Variants in BCR observed in about 807,000 individuals in gnomAD.
The protein encoded by BCR is breakpoint cluster region protein.
Under a neutral mutation model 138.6 loss-of-function variants are expected in BCR, and 58 were observed. That is an observed-to-expected ratio of 0.42 (90% CI 0.34 to 0.52). The LOEUF is 0.52. Among genes scored for constraint, BCR ranks in the 20% least tolerant of loss-of-function variants. The probability of loss-of-function intolerance (pLI) is 0.06; values close to 1 mark genes in which losing one functional copy is unlikely to be tolerated. For synonymous variants in BCR, 786 were observed against 730.1 expected (o/e 1.08, Z -1.23); for missense variants, 1,599 against 1,727.2 (o/e 0.93, Z 1.32).
At chr22:23,190,448 A>C (rs1056556019) in intron 1 of BCR, among the ~76,000 whole-genome samples, 1 of 152,188 alleles carries the variant, frequency 6.6e-6, no homozygotes, top group Non-Finnish European at 1.5e-5. Flanking sequence ...GATTATAGGC[A>C]TGAGCCACTG....
rs911057027 is a variant in BCR, at chr22:23,181,736, A to G, written c.776A>G (p.Asn259Ser). 6.2e-7 allele frequency: 1 copy of G among 1,604,094 alleles called. No individual in the cohort carries two copies. Among genetic ancestry groups the G allele is most frequent in the Non-Finnish European group, 8.5e-7 (1 of 1,179,940 alleles). Residue 259 changes from asparagine (N) to serine (S), a missense_variant, in exon 1 of 23, where the codon AAC becomes AGC. Asn to Ser is a conservative substitution (Grantham distance 46). This residue lies in a region of BCR where 806 missense variants were observed against 635.0 expected (regional missense o/e 1.27). Coordinates refer to ENST00000305877, the MANE Select transcript of BCR (RefSeq NM_004327.4). ...TTGAACCCCCGCTTCCTGAAGGACA[A>G]CCTGATCGACGCCAATGGCGGTAGC... ...AELNPRFLKD[N>S]LIDANGGSRP...
chr22:23,303,449 CA>C (rs2073924467), intron 16 of BCR, among the ~76,000 whole-genome samples: 1 of 152,176 alleles, frequency 6.6e-6, no homozygotes, highest in Non-Finnish European at 1.5e-5. Flanking sequence ...TTCACCCATT[CA>C]GGGGGGTCTC....
chr22:23,211,712 G>A (rs529695886), intron 1 of BCR, among the ~76,000 whole-genome samples: 1 of 152,114 alleles, frequency 6.6e-6, no homozygotes, highest in African/African-American at 2.4e-5. Context: ...GTTTCATCAT[G>A]TTGTCCAGGC....
At position 23,240,519 on chromosome 22, in the gene BCR, C is replaced by G. The variant is rs575610197; in HGVS notation, c.1280-13280C>G. On this transcript the variant is annotated intron_variant, in intron 1 of 22. Coordinates refer to ENST00000305877, the MANE Select transcript of BCR (RefSeq NM_004327.4). Reference sequence around the variant, plus strand: ...ACAAAAAATCAGCCGGGCGTGGTGGCGGGCGCCTGTAGTTCCAGCTAATCG... The same window carrying G: ...ACAAAAAATCAGCCGGGCGTGGTGGGGGGCGCCTGTAGTTCCAGCTAATCG... Among the ~76,000 whole-genome samples the G allele has an allele frequency of 7.2e-5, 11 of 152,012 alleles. No individual in the cohort carries two copies. In the South Asian group the frequency reaches 2.3e-3, roughly 32 times the overall value.
Position 23,180,956 on chromosome 22 carries a change from G to A in BCR, c.-5G>A, listed in dbSNP as rs762494209. The A allele has an allele frequency of 1.4e-5, 19 of 1,313,892 alleles. 1 individual carries two copies. In the East Asian group the frequency reaches 4.5e-4, roughly 31 times the overall value. 81.4% of individuals were successfully genotyped at this position (1,313,892 alleles called of 1,614,324 possible). A position where few individuals can be genotyped will look rare whatever the true frequency, so the allele number is the denominator to read the frequency against. ...CCCGGCGGCGCAGGTAAGGCCGGCCGCGCCATGGTGGACCCGGTGGGCTTC... is the reference window on the plus strand; with the variant it reads ...CCCGGCGGCGCAGGTAAGGCCGGCCACGCCATGGTGGACCCGGTGGGCTTC... On this transcript the variant is annotated 5_prime_UTR_variant, in exon 1 of 23. Transcript: ENST00000305877.
chr22:23,286,586 G>C (rs1394147064), intron 10 of BCR, among the ~76,000 whole-genome samples: 3 of 152,216 alleles, frequency 2.0e-5, no homozygotes, highest in Admixed American at 2.0e-4. Flanking sequence ...AGCTCTTTGG[G>C]GGATGGGATG....
At chr22:23,299,864 C>T (rs1202563170) in intron 16 of BCR, among the ~76,000 whole-genome samples, 2 of 152,164 alleles carry the variant, frequency 1.3e-5, no homozygotes, top group African/African-American at 2.4e-5. Flanking sequence ...TTCTCCACCA[C>T]GCTGTGCATG....
intron 20 of BCR, among the ~76,000 whole-genome samples, chr22:23,313,673 G>A (rs1360389948): frequency 1.3e-5 from 2 of 152,164 alleles, no homozygotes; most frequent in Admixed American, 1.3e-4. Context: ...AGGGGGTGGT[G>A]GCAGGAGTTG....
At chr22:23,182,707 G>A (rs754155308) in intron 1 of BCR, among the ~76,000 whole-genome samples, 11 of 152,204 alleles carry the variant, frequency 7.2e-5, no homozygotes, top group Admixed American at 2.0e-4. Context: ...GTTCTGGAGG[G>A]GTTATATGAC....
intron 1 of BCR, among the ~76,000 whole-genome samples, chr22:23,231,906 C>T (rs2072963813): frequency 2.0e-5 from 3 of 152,200 alleles, no homozygotes. Context: ...CTTGGCCCTG[C>T]TCCACTCCTT....
intron 1 of BCR, among the ~76,000 whole-genome samples, chr22:23,189,953 G>C (rs934959288): frequency 1.3e-5 from 2 of 152,318 alleles, no homozygotes; most frequent in African/African-American, 4.8e-5. Flanking sequence ...TGCCAAGGCT[G>C]TCCCATAACA....
At chr22:23,244,985 C>G (rs946056826) in intron 1 of BCR, among the ~76,000 whole-genome samples, 5 of 152,128 alleles carry the variant, frequency 3.3e-5, no homozygotes, top group Non-Finnish European at 7.4e-5. Flanking sequence ...TGTTCTGGAT[C>G]CTGATGGAGA....
chr22:23,217,622 TTAGG>T (rs2146227018), intron 1 of BCR, among the ~76,000 whole-genome samples: 1 of 152,286 alleles, frequency 6.6e-6, no homozygotes, highest in East Asian at 1.9e-4. Context: ...TTGACTGAAG[TTAGG>T]GAAGTGGGTG....
chr22:23,271,901 C>T (rs1326447821), intron 6 of BCR, among the ~76,000 whole-genome samples: 1 of 151,886 alleles, frequency 6.6e-6, no homozygotes, highest in Admixed American at 6.6e-5. Flanking sequence ...TTTTGGCTCA[C>T]TGCAACCTCC....
intron 1 of BCR, among the ~76,000 whole-genome samples, chr22:23,238,623 T>C (rs1480034596): frequency 1.3e-5 from 2 of 152,162 alleles, no homozygotes; most frequent in Non-Finnish European, 2.9e-5. Flanking sequence ...GAGGCAGCAC[T>C]TCTGGCCCGT....
At chr22:23,207,559 G>A (rs1281356725) in intron 1 of BCR, among the ~76,000 whole-genome samples, 1 of 152,178 alleles carries the variant, frequency 6.6e-6, no homozygotes, top group African/African-American at 2.4e-5. Flanking sequence ...GGAGTTTGAG[G>A]CTACATTGAG....
At chr22:23,285,431 A>T (rs1394867502) in intron 10 of BCR, among the ~76,000 whole-genome samples, 1 of 152,144 alleles carries the variant, frequency 6.6e-6, no homozygotes, top group Non-Finnish European at 1.5e-5. Flanking sequence ...GCGGCTGCCA[A>T]CCCAACCCTC....
chr22:23,216,304 T>C (rs1568937905), intron 1 of BCR, among the ~76,000 whole-genome samples: 1 of 152,260 alleles, frequency 6.6e-6, no homozygotes, highest in African/African-American at 2.4e-5. Flanking sequence ...TCACCATGTT[T>C]ATAACCTCAG....
chr22:23,187,546 C>A (rs1228924730), intron 1 of BCR, among the ~76,000 whole-genome samples: 1 of 150,636 alleles, frequency 6.6e-6, no homozygotes, highest in African/African-American at 2.5e-5. Flanking sequence ...GTTGCCCAGG[C>A]TGGCCTCGAA....
Sources: allele counts gnomAD v4.1 joint callset (sites outside exome capture counted in the v4.1 genomes callset), GRCh38; gene constraint gnomAD v4.1.1; regional missense constraint gnomAD v4.1.1; transcripts MANE v1.5; gene names NCBI Gene and HGNC (gene_info 2026-07-23, HGNC 2026-07-21).